INPP5A: variants seen among roughly 807,000 people sequenced by gnomAD.
The protein encoded by INPP5A is 43 kDa inositol polyphosphate 5-phophatase.
A neutral mutation model predicts 65.2 loss-of-function variants in INPP5A; 14 were observed. The observed-to-expected ratio is 0.21, with a 90% CI of 0.14 to 0.34. INPP5A has a LOEUF of 0.34. Ranked by LOEUF, INPP5A falls within the 10% of genes least tolerant of loss-of-function variation. The pLI is 1.00. For synonymous variants in INPP5A, 207 were observed against 208.3 expected, an observed-to-expected ratio of 0.99 and a Z score of 0.05; for missense variants, 431 against 545.6, an observed-to-expected ratio of 0.79 and a Z score of 2.09.
At chr10:132,592,404 ATGTTTGTT>A (rs55925235) in intron 1 of INPP5A, among the ~76,000 whole-genome samples, 55 of 151,788 alleles carry the variant, frequency 3.6e-4, no homozygotes, top group Middle Eastern at 3.4e-3. Context: ...TGGGGCAAAA[ATGTTTGTT>A]TGTTTGTTTG....
In INPP5A at chr10:132,659,897, A is replaced by G. The variant is rs768312904; in HGVS notation, c.306+9392A>G. 3.9e-5 allele frequency among the ~76,000 whole-genome samples: 6 copies of G among 152,270 alleles called. No individual in the cohort carries two copies. Among genetic ancestry groups the G allele is most frequent in the Non-Finnish European group, 8.8e-5 (6 of 68,044 alleles). ...AGCTGGGCTCCAGAAACCTGAGGAC[A>G]TGCAGCCTGCAGCTCCTGACACATG... On this transcript the variant is annotated intron_variant, in intron 4 of 15. Transcript: ENST00000368594. The surrounding 1 kb of genome is among the most constrained non-coding windows in gnomAD (Gnocchi z 5.5).
rs1271512083 is a variant in INPP5A at position 132,707,621 on chromosome 10, G to A, written c.475-692G>A. The stretch of plus-strand genomic sequence containing the variant: ...ATGGTGGGAGGTGGGAGGGCAGGAG[G>A]GCCTCCATGCCATCTCGAGGGGAGC... On this transcript the variant is annotated intron_variant, in intron 6 of 15. Coordinates refer to ENST00000368594, the MANE Select transcript of INPP5A (RefSeq NM_005539.5). The surrounding 1 kb of genome is among the most constrained non-coding windows in gnomAD (Gnocchi z 5.5). Among the ~76,000 whole-genome samples, 1 of 152,210 alleles carries A rather than the reference G, an allele frequency of 6.6e-6. No homozygotes were observed. The highest frequency in any genetic ancestry group is 1.5e-5 in the Non-Finnish European group (1 of 68,028).
chr10:132,656,269 A>G (rs1030288058), intron 4 of INPP5A, among the ~76,000 whole-genome samples: 4 of 152,358 alleles, frequency 2.6e-5, no homozygotes, highest in African/African-American at 9.6e-5. Context: ...GTGAGAAGGA[A>G]AGCCCCACTC....
chr10:132,766,621 G>T (rs957583501), intron 12 of INPP5A, among the ~76,000 whole-genome samples: 1 of 152,242 alleles, frequency 6.6e-6, no homozygotes, highest in Admixed American at 6.5e-5. Flanking sequence ...GAGCATGAGT[G>T]AGAACATGTG....
intron 4 of INPP5A, among the ~76,000 whole-genome samples, chr10:132,684,680 T>G (rs2073092860): frequency 6.6e-6 from 1 of 152,228 alleles, no homozygotes; most frequent in Non-Finnish European, 1.5e-5. Flanking sequence ...CAGAACCACA[T>G]GCCTGCCTCA....
chr10:132,773,720 G>A (rs555710764), intron 12 of INPP5A, among the ~76,000 whole-genome samples: 10 of 152,326 alleles, frequency 6.6e-5, no homozygotes, highest in African/African-American at 2.4e-4. Context: ...GAAGAGGCCT[G>A]CCAAGGGTTC....
chr10:132,601,601 G>A (rs886166313), intron 1 of INPP5A, among the ~76,000 whole-genome samples: 8 of 152,096 alleles, frequency 5.3e-5, no homozygotes, highest in African/African-American at 1.9e-4. Flanking sequence ...TCTCCCCTAT[G>A]TTTTCTTCTA....
chr10:132,609,229 A>G (rs1355853425), intron 2 of INPP5A, among the ~76,000 whole-genome samples: 9 of 152,232 alleles, frequency 5.9e-5, no homozygotes, highest in Non-Finnish European at 1.3e-4. Context: ...ACAAATCGAA[A>G]TAATAGATAT....
chr10:132,679,116 C>T (rs2073008444), intron 4 of INPP5A, among the ~76,000 whole-genome samples: 1 of 152,124 alleles, frequency 6.6e-6, no homozygotes, highest in Non-Finnish European at 1.5e-5. Flanking sequence ...AAGGGGGCTA[C>T]AGCTGTGGAG....
intron 5 of INPP5A, among the ~76,000 whole-genome samples, chr10:132,695,019 C>A (rs928883464): frequency 2.0e-5 from 3 of 152,102 alleles, no homozygotes; most frequent in African/African-American, 4.8e-5. Context: ...AGAGGACAAA[C>A]GTCCTAAATC....
intron 11 of INPP5A, among the ~76,000 whole-genome samples, chr10:132,756,312 TGTGTATGC>T (rs1026795160): frequency 3.3e-5 from 5 of 152,098 alleles, no homozygotes; most frequent in African/African-American, 1.2e-4. Context: ...GTGGTGTATG[TGTGTATGC>T]ATGTGTGCAC....
intron 11 of INPP5A, among the ~76,000 whole-genome samples, chr10:132,752,404 T>G (rs535094000): frequency 2.7e-3 from 229 of 84,310 alleles, no homozygotes; most frequent in African/African-American, 0.01. Flanking sequence ...CGGGGCTGCG[T>G]GGAGTGGGGT....
At chr10:132,609,576 A>G (rs1024308402) in intron 2 of INPP5A, among the ~76,000 whole-genome samples, 2 of 152,258 alleles carry the variant, frequency 1.3e-5, no homozygotes, top group Admixed American at 6.5e-5. Flanking sequence ...ACACAGCTGA[A>G]ATCAGAATCT....
rs113796270 is a variant in INPP5A at position 132,739,415 on chromosome 10, C to T, written c.733-10102C>T. Among the ~76,000 whole-genome samples the T allele has an allele frequency of 3.9e-3, 601 of 152,356 alleles. 2 individuals carry two copies. Among genetic ancestry groups the T allele is most frequent in the African/African-American group, 0.014 (564 of 41,594 alleles). On this transcript the variant is annotated intron_variant, in intron 9 of 15. Transcript: ENST00000368594. Reference sequence around the variant, plus strand: ...GAGGCCCGTGGTGGGGGCGTGCCGACAGAAGGCAGCGGGAAGGTGGTTTAC... The same window carrying T: ...GAGGCCCGTGGTGGGGGCGTGCCGATAGAAGGCAGCGGGAAGGTGGTTTAC...
intron 1 of INPP5A, among the ~76,000 whole-genome samples, chr10:132,570,347 G>A (rs1469894889): frequency 6.6e-6 from 1 of 152,236 alleles, no homozygotes; most frequent in Non-Finnish European, 1.5e-5. Flanking sequence ...TTCTGTGGAT[G>A]CCCCGTGGGC....
rs1416593228 is a variant in INPP5A, at chr10:132,674,647, A to G, written c.307-15745A>G. On this transcript the variant is annotated intron_variant, in intron 4 of 15. Coordinates refer to ENST00000368594, the MANE Select transcript of INPP5A (RefSeq NM_005539.5). The surrounding 1 kb of genome is among the most constrained non-coding windows in gnomAD (Gnocchi z 4.4). ...TGCCTTCAGGACTTAATCAAGCCCAATCACATACATGCCACTTCCATTTGA... is the reference window on the plus strand; with the variant it reads ...TGCCTTCAGGACTTAATCAAGCCCAGTCACATACATGCCACTTCCATTTGA... 2.6e-5 allele frequency among the ~76,000 whole-genome samples: 4 copies of G among 152,196 alleles called. No individual in the cohort carries two copies. Among genetic ancestry groups the G allele is most frequent in the South Asian group, 2.1e-4 (1 of 4,832 alleles).
intron 8 of INPP5A, among the ~76,000 whole-genome samples, chr10:132,712,803 TG>T (rs1845669016): frequency 6.6e-6 from 1 of 151,336 alleles, no homozygotes; most frequent in Non-Finnish European, 1.5e-5. Context: ...CACTGATGCA[TG>T]TGTGCATGTG....
intron 9 of INPP5A, among the ~76,000 whole-genome samples, chr10:132,731,391 G>A (rs879279140): frequency 2.6e-5 from 4 of 151,648 alleles, no homozygotes; most frequent in Admixed American, 1.3e-4. Flanking sequence ...TGTATCAGAC[G>A]CCCCTGGAAG....
At chr10:132,611,277 A>G (rs370527012) in intron 2 of INPP5A, among the ~76,000 whole-genome samples, 902 of 24,596 alleles carry the variant, frequency 0.037, no homozygotes, top group Middle Eastern at 0.088. Context: ...TCAGAGGAGG[A>G]TGAGGGAGGT....
Sources: allele counts gnomAD v4.1 joint callset (sites outside exome capture counted in the v4.1 genomes callset), GRCh38; gene constraint gnomAD v4.1.1; non-coding constraint Gnocchi (gnomAD v3.1); transcripts MANE v1.5; gene names NCBI Gene and HGNC (gene_info 2026-07-23, HGNC 2026-07-21).